ZDHHC21: variants seen among roughly 807,000 people sequenced by gnomAD.
ZDHHC21 encodes the protein palmitoyltransferase ZDHHC21.
Under a neutral mutation model 34.6 loss-of-function variants are expected in ZDHHC21, and 15 were observed. The observed-to-expected ratio is 0.43, with a 90% CI of 0.29 to 0.67. The LOEUF (loss-of-function observed/expected upper bound fraction) is 0.67, where lower values mean the gene tolerates loss of function less well. Ranked by LOEUF, ZDHHC21 falls within the 30% of genes least tolerant of loss-of-function variation. ZDHHC21 has a pLI of 0.14. For synonymous variants in ZDHHC21, 142 were observed against 101.8 expected (o/e 1.40, Z -2.38); for missense variants, 344 against 327.7 (o/e 1.05, Z -0.38).
chr9:14,591,603 T>C, the ZDHHC21 span, among the ~76,000 whole-genome samples: 1 of 152,192 alleles, frequency 6.6e-6, no homozygotes, highest in Non-Finnish European at 1.5e-5. Flanking sequence ...ATATGAAATG[T>C]AAATGGCTTA....
intron 2 of ZDHHC21, among the ~76,000 whole-genome samples, chr9:14,686,061 G>C (rs971350403): frequency 2.6e-5 from 4 of 151,872 alleles, no homozygotes; most frequent in Admixed American, 6.6e-5. Flanking sequence ...GTCGTGGGGT[G>C]GGGGAGGGGG....
intron 8 of ZDHHC21, among the ~76,000 whole-genome samples, chr9:14,628,370 A>C (rs916793056): frequency 1.3e-5 from 2 of 152,212 alleles, no homozygotes; most frequent in African/African-American, 4.8e-5. Context: ...ATTTATTCCA[A>C]GTAAAAATGA....
intron 7 of ZDHHC21, among the ~76,000 whole-genome samples, chr9:14,640,692 T>C (rs79166267): frequency 0.038 from 5,751 of 152,002 alleles, 363 homozygotes; most frequent in African/African-American, 0.13. Flanking sequence ...CTTTGGAAAA[T>C]TCCAAAACAA....
intron 7 of ZDHHC21, among the ~76,000 whole-genome samples, chr9:14,655,414 T>C (rs1488682047): frequency 6.6e-6 from 1 of 151,972 alleles, no homozygotes; most frequent in Non-Finnish European, 1.5e-5. Context: ...AATATGTAGA[T>C]AACTCAAAAC....
chr9:14,672,744 A>C, intron 5 of ZDHHC21, 86 bp downstream of exon 5: 1 of 873,916 alleles, frequency 1.1e-6, no homozygotes, highest in Non-Finnish European at 1.8e-6. Context: ...GACATTTATA[A>C]CCAATATATA....
the ZDHHC21 span, among the ~76,000 whole-genome samples, chr9:14,594,475 T>C: frequency 6.6e-6 from 1 of 152,212 alleles, no homozygotes. Context: ...TTTCAGCCAA[T>C]GATACTGACA....
At chr9:14,647,898 C>A (rs1192078879) in intron 7 of ZDHHC21, among the ~76,000 whole-genome samples, 1 of 152,078 alleles carries the variant, frequency 6.6e-6, no homozygotes, top group Non-Finnish European at 1.5e-5. Flanking sequence ...TGAAAGCTCC[C>A]AAATTTATTT....
chr9:14,613,547 C>T lies in ZDHHC21; in HGVS notation c.*5419G>A, dbSNP rs922658439. 3 of 151,804 alleles carry T rather than the reference C, an allele frequency of 2.0e-5. No homozygotes were observed. Among genetic ancestry groups the T allele is most frequent in the Non-Finnish European group, 4.4e-5 (3 of 67,806 alleles). 9.4% of individuals were successfully genotyped at this position (151,804 alleles called of 1,614,324 possible). A position where few individuals can be genotyped will look rare whatever the true frequency, so the allele number is the denominator to read the frequency against. On this transcript the variant is annotated 3_prime_UTR_variant, in exon 10 of 10. Coordinates refer to ENST00000380916, the MANE Select transcript of ZDHHC21 (RefSeq NM_178566.6). Reference sequence around the variant, plus strand: ...GCAGGCAAAGCCACAAAAAAGCCCACAACTTCTGTTAAGCTATTTTGTCCG... The same window carrying T: ...GCAGGCAAAGCCACAAAAAAGCCCATAACTTCTGTTAAGCTATTTTGTCCG...
intron 7 of ZDHHC21, among the ~76,000 whole-genome samples, chr9:14,646,695 C>T (rs1830330816): frequency 6.6e-6 from 1 of 152,178 alleles, no homozygotes; most frequent in African/African-American, 2.4e-5. Flanking sequence ...CAACCACAAG[C>T]ATACTCCCCT....
At chr9:14,605,032 A>T in the ZDHHC21 span, among the ~76,000 whole-genome samples, 1 of 152,216 alleles carries the variant, frequency 6.6e-6, no homozygotes, top group Admixed American at 6.5e-5. Flanking sequence ...AGCATCTGAC[A>T]GTATTTCCTT....
At chr9:14,641,982 C>G (rs569903810) in intron 7 of ZDHHC21, among the ~76,000 whole-genome samples, 1 of 152,184 alleles carries the variant, frequency 6.6e-6, no homozygotes, top group East Asian at 1.9e-4. Context: ...GCTTACTGTA[C>G]TAAAATTACC....
At chr9:14,633,510 G>C (rs1394033866) in intron 8 of ZDHHC21, among the ~76,000 whole-genome samples, 1 of 152,114 alleles carries the variant, frequency 6.6e-6, no homozygotes, top group African/African-American at 2.4e-5. Flanking sequence ...CACAGCCTTT[G>C]AGCCCTAAGC....
chr9:14,609,260 T>G (rs1294127475), downstream of ZDHHC21, among the ~76,000 whole-genome samples: 4 of 152,134 alleles, frequency 2.6e-5, no homozygotes, highest in African/African-American at 9.6e-5. Context: ...ATAAAGCACT[T>G]CAGGTGAATT....
At chr9:14,628,935 T>C (rs1255937310) in intron 8 of ZDHHC21, among the ~76,000 whole-genome samples, 2 of 152,194 alleles carry the variant, frequency 1.3e-5, no homozygotes, top group Admixed American at 6.5e-5. Flanking sequence ...GAAGAGTATA[T>C]TCTGGAAACC....
intron 8 of ZDHHC21, among the ~76,000 whole-genome samples, chr9:14,628,778 A>G (rs1826777908): frequency 6.6e-6 from 1 of 152,210 alleles, no homozygotes; most frequent in South Asian, 2.1e-4. Flanking sequence ...AACTTATTTT[A>G]TAAAGTAAGC....
In ZDHHC21 at chr9:14,614,989, A is replaced by G. The variant is rs1304542589; in HGVS notation, c.*3977T>C. ...CTATTGATACAGGAAGCGCAAGAGAAGCAGAGACTAGAGAAAAGTCCAGAG... is the reference window on the plus strand; with the variant it reads ...CTATTGATACAGGAAGCGCAAGAGAGGCAGAGACTAGAGAAAAGTCCAGAG... On this transcript the variant is annotated 3_prime_UTR_variant, in exon 10 of 10. Coordinates refer to ENST00000380916, the MANE Select transcript of ZDHHC21 (RefSeq NM_178566.6). 1 of 151,694 alleles carries G rather than the reference A, an allele frequency of 6.6e-6. No homozygotes were observed. Among genetic ancestry groups the G allele is most frequent in the Admixed American group, 6.6e-5 (1 of 15,184 alleles). 9.4% of individuals were successfully genotyped at this position (151,694 alleles called of 1,614,324 possible). A position where few individuals can be genotyped will look rare whatever the true frequency, so the allele number is the denominator to read the frequency against.
intron 7 of ZDHHC21, 119 bp from the exon 8 acceptor site, chr9:14,640,131 T>C (rs1829066978): frequency 1.9e-6 from 1 of 538,804 alleles, no homozygotes; most frequent in Non-Finnish European, 3.3e-6. Context: ...AAGAACTACC[T>C]CTCCCTCTTT....
At chr9:14,664,278 C>T (rs932350387) in intron 5 of ZDHHC21, among the ~76,000 whole-genome samples, 3 of 152,144 alleles carry the variant, frequency 2.0e-5, no homozygotes, top group South Asian at 2.1e-4. Context: ...GTCACTCCCA[C>T]CCTAATACTG....
chr9:14,677,653 AT>A (rs1454737984), intron 3 of ZDHHC21, among the ~76,000 whole-genome samples: 1 of 152,070 alleles, frequency 6.6e-6, no homozygotes, highest in Non-Finnish European at 1.5e-5. Flanking sequence ...GTACTTCAAC[AT>A]TTTTTAAGAT....
Sources: gnomAD v4.1 joint callset for allele counts (sites outside exome capture counted in the v4.1 genomes callset) on GRCh38, gnomAD v4.1.1 for gene constraint, MANE v1.5 for transcripts, NCBI Gene and HGNC (gene_info 2026-07-23, HGNC 2026-07-21) for gene names.